MIPEP: variants seen among roughly 807,000 people sequenced by gnomAD.
MIPEP encodes the protein mitochondrial intermediate peptidase.
In MIPEP, 79 loss-of-function variants were observed where a neutral mutation model predicts 90.3. The observed-to-expected ratio is 0.87, with a 90% CI of 0.73 to 1.05. The LOEUF is 1.05. Ranked by LOEUF, MIPEP falls within the 50% of genes least tolerant of loss-of-function variation. The probability of loss-of-function intolerance (pLI) is 0.00; values close to 1 mark genes in which losing one functional copy is unlikely to be tolerated. For synonymous variants in MIPEP, 334 were observed against 315.8 expected (o/e 1.06, Z -0.61); for missense variants, 940 against 905.6 (o/e 1.04, Z -0.49).
At chr13:23,857,735 T>G (rs1555240545) in intron 10 of MIPEP, among the ~76,000 whole-genome samples, 1 of 152,172 alleles carries the variant, frequency 6.6e-6, no homozygotes, top group Non-Finnish European at 1.5e-5. Context: ...AGTGAGTAAG[T>G]GCTTCAAAAC....
At chr13:23,792,956 T>A (rs1378608813) in intron 16 of MIPEP, among the ~76,000 whole-genome samples, 1 of 152,224 alleles carries the variant, frequency 6.6e-6, no homozygotes, top group African/African-American at 2.4e-5. Context: ...ATTGATTACA[T>A]CCTTTTAATT....
At chr13:23,873,753 A>T (rs1306038168) in intron 5 of MIPEP, among the ~76,000 whole-genome samples, 1 of 152,194 alleles carries the variant, frequency 6.6e-6, no homozygotes, top group Admixed American at 6.5e-5. Flanking sequence ...ACTAACTCCC[A>T]AATTTTATTT....
chr13:23,730,517 T>C, intron 18 of MIPEP, 72 bp from the exon 19 acceptor site: 1 of 939,272 alleles, frequency 1.1e-6, no homozygotes, highest in African/African-American at 1.6e-5. Context: ...CAAAATCAAA[T>C]CCACACACTA....
rs142621007 is a variant in MIPEP, at chr13:23,858,858, A to T, written c.1106+2T>A. 1.1e-5 allele frequency: 18 copies of T among 1,613,272 alleles called. No individual in the cohort carries two copies. In the East Asian group the frequency reaches 3.8e-4, roughly 34 times the overall value. ...TGTACGGGTATTTCTTGAAAAACTTACCTTTCTGCACGAATCACACCACTG... is the reference window on the plus strand; with the variant it reads ...TGTACGGGTATTTCTTGAAAAACTTTCCTTTCTGCACGAATCACACCACTG... On this transcript the variant is annotated splice_donor_variant, in intron 10 of 18. Coordinates refer to ENST00000382172, the MANE Select transcript of MIPEP (RefSeq NM_005932.4). LOFTEE classifies it high-confidence loss of function.
intron 16 of MIPEP, among the ~76,000 whole-genome samples, chr13:23,777,785 T>A (rs1952734901): frequency 6.6e-6 from 1 of 152,200 alleles, no homozygotes; most frequent in African/African-American, 2.4e-5. Context: ...CCACTGCACC[T>A]AGTGTTACTC....
intron 5 of MIPEP, among the ~76,000 whole-genome samples, chr13:23,870,804 C>CA (rs1390220068): frequency 1.6e-4 from 24 of 147,318 alleles, no homozygotes; most frequent in East Asian, 2.0e-4. Context: ...GACTCTGTCT[C>CA]AAAAAAAAAC....
chr13:23,861,064 T>G (rs967673983), intron 9 of MIPEP, among the ~76,000 whole-genome samples: 10 of 152,110 alleles, frequency 6.6e-5, no homozygotes, highest in African/African-American at 2.4e-4. Context: ...GGCTCCCATG[T>G]GATGCTACTG....
At position 23,869,322 on chromosome 13, in the gene MIPEP, C is replaced by T. The variant is rs751536805; in HGVS notation, c.913G>A (p.Ala305Thr). 7 of 1,611,198 alleles carry T rather than the reference C, an allele frequency of 4.3e-6. No individual in the cohort carries two copies. The highest frequency in any genetic ancestry group is 5.9e-6 in the Non-Finnish European group (7 of 1,179,162). ...TTTTTAGCTATCGTTCCTTGGAGAG[C>T]CCTGTGAGAAAACGTGGAATACCCC... Reference protein sequence around the residue: ...LVGYSTFSHRALQGTIAKNPE... With the variant: ...LVGYSTFSHRTLQGTIAKNPE... Residue 305 changes from alanine to threonine, a missense_variant, in exon 7 of 19, where the codon GCT (alanine) becomes ACT (threonine). Coordinates refer to ENST00000382172, the MANE Select transcript of MIPEP (RefSeq NM_005932.4).
In MIPEP at chr13:23,798,065, G is replaced by A. The variant is rs575782630; in HGVS notation, c.1848+7885C>T. Among the ~76,000 whole-genome samples, 262 of 152,324 alleles carry A rather than the reference G, an allele frequency of 1.7e-3. 2 individuals are homozygous for A. Among genetic ancestry groups the A allele is most frequent in the Middle Eastern group, 6.8e-3 (2 of 294 alleles). The stretch of plus-strand genomic sequence containing the variant: ...CATTGCTTAGACCATGTGGTAGCAC[G>A]TAGTAGGCACTTAATAAAAAGATAA... On this transcript the variant is annotated intron_variant, in intron 16 of 18. Transcript: ENST00000382172.
At chr13:23,822,958 T>C (rs1953326878) in intron 14 of MIPEP, among the ~76,000 whole-genome samples, 1 of 151,800 alleles carries the variant, frequency 6.6e-6, no homozygotes, top group Admixed American at 6.6e-5. Context: ...TGATCTCGGC[T>C]CACTGCAACC....
chr13:23,793,526 T>C (rs1330600512), intron 16 of MIPEP, among the ~76,000 whole-genome samples: 2 of 152,186 alleles, frequency 1.3e-5, no homozygotes, highest in African/African-American at 4.8e-5. Flanking sequence ...ATGTACATTA[T>C]ATCTCAATAA....
intron 16 of MIPEP, among the ~76,000 whole-genome samples, chr13:23,800,689 A>C (rs1024570619): frequency 1.3e-5 from 2 of 152,236 alleles, no homozygotes; most frequent in Admixed American, 1.3e-4. Flanking sequence ...ATCATTATTT[A>C]ATATGGAATA....
At chr13:23,772,792 G>C (rs1467599052) in intron 16 of MIPEP, among the ~76,000 whole-genome samples, 1 of 152,172 alleles carries the variant, frequency 6.6e-6, no homozygotes, top group Non-Finnish European at 1.5e-5. Flanking sequence ...TGGCAATTCA[G>C]TCTCCCTCTT....
intron 18 of MIPEP, among the ~76,000 whole-genome samples, chr13:23,748,790 C>T (rs1362830098): frequency 6.6e-6 from 1 of 152,204 alleles, no homozygotes; most frequent in East Asian, 1.9e-4. Context: ...GTGCTTTGAG[C>T]ACGTTCTGGC....
At chr13:23,835,537 T>C (rs539435493) in intron 14 of MIPEP, among the ~76,000 whole-genome samples, 2 of 152,304 alleles carry the variant, frequency 1.3e-5, no homozygotes, top group African/African-American at 4.8e-5. Context: ...TTTACATTTG[T>C]ACCGGGAGTA....
chr13:23,826,244 T>C (rs982465632), intron 14 of MIPEP, among the ~76,000 whole-genome samples: 28 of 152,276 alleles, frequency 1.8e-4, no homozygotes, highest in African/African-American at 6.5e-4. Context: ...ATTCTCATGG[T>C]AGAAGACTTA....
At chr13:23,817,535 C>T (rs1953254499) in intron 14 of MIPEP, among the ~76,000 whole-genome samples, 1 of 152,070 alleles carries the variant, frequency 6.6e-6, no homozygotes, top group Non-Finnish European at 1.5e-5. Flanking sequence ...TGCAGTAGCC[C>T]CCCGATAAAG....
Position 23,730,227 on chromosome 13 carries a change from T to G in MIPEP, c.*121A>C. ...TTATTTATTCCAAGTTCTACCAGTT[T>G]AAAGTTTTTCAGAATTACAGAAGCG... On this transcript the variant is annotated 3_prime_UTR_variant, in exon 19 of 19. Coordinates refer to ENST00000382172, the MANE Select transcript of MIPEP (RefSeq NM_005932.4). 1 of 667,660 alleles carries G rather than the reference T, an allele frequency of 1.5e-6. No individual in the cohort carries two copies. Among genetic ancestry groups the G allele is most frequent in the South Asian group, 1.9e-5 (1 of 51,478 alleles). 41.4% of individuals were successfully genotyped at this position (667,660 alleles called of 1,614,324 possible).
At position 23,834,465 on chromosome 13, in the gene MIPEP, C is replaced by T. The variant is rs76495817; in HGVS notation, c.1653+1775G>A. Reference sequence around the variant, plus strand: ...ACCCTAGTCAGGCTCTGTCTCAGTTCCCCTAGGAATTAAAGACCGCGGGCA... The same window carrying T: ...ACCCTAGTCAGGCTCTGTCTCAGTTTCCCTAGGAATTAAAGACCGCGGGCA... On this transcript the variant is annotated intron_variant, in intron 14 of 18. Transcript: ENST00000382172. Among the ~76,000 whole-genome samples the T allele has an allele frequency of 0.026, 3,900 of 152,224 alleles. 400 individuals carry two copies. The East Asian group carries it at 0.34, about 13-fold the overall frequency.
Sources: allele counts gnomAD v4.1 joint callset (sites outside exome capture counted in the v4.1 genomes callset), GRCh38; gene constraint gnomAD v4.1.1; transcripts MANE v1.5; gene names NCBI Gene and HGNC (gene_info 2026-07-23, HGNC 2026-07-21).